The following BMPR2 variants were observed in gnomAD, a reference collection of about 807,000 sequenced individuals.
BMPR2 encodes the protein bone morphogenetic protein receptor type 2.
Under a neutral mutation model 100.8 loss-of-function variants are expected in BMPR2, and 29 were observed. That is an observed-to-expected ratio of 0.29 (90% CI 0.21 to 0.39). The LOEUF (loss-of-function observed/expected upper bound fraction) is 0.39. Among genes scored for constraint, BMPR2 ranks in the 10% least tolerant of loss-of-function variants. The pLI, the probability that BMPR2 is intolerant of heterozygous loss-of-function variation, is 1.00. For synonymous variants in BMPR2, 382 were observed against 442.3 expected (o/e 0.86, Z 1.71); for missense variants, 1,011 against 1,274.5 (o/e 0.79, Z 3.15).
chr2:202,449,086 G>A (rs1231406604), intron 1 of BMPR2, among the ~76,000 whole-genome samples: 1 of 151,832 alleles, frequency 6.6e-6, no homozygotes. Flanking sequence ...GGGAGGCCAA[G>A]GCAGGCGAGG....
chr2:202,530,763 C>A (rs746959510), intron 7 of BMPR2, 31 bp from the exon 8 acceptor site: 1 of 1,558,386 alleles, frequency 6.4e-7, no homozygotes, highest in South Asian at 1.1e-5. Flanking sequence ...CCCTTTTATT[C>A]ATTGATAAAT....
intron 1 of BMPR2, among the ~76,000 whole-genome samples, chr2:202,403,604 AT>A (rs1447710606): frequency 6.6e-6 from 1 of 152,228 alleles, no homozygotes; most frequent in Non-Finnish European, 1.5e-5. Context: ...AAGCAAGATT[AT>A]AATAGGGTCA....
intron 3 of BMPR2, among the ~76,000 whole-genome samples, chr2:202,501,938 C>G (rs1342724668): frequency 6.6e-6 from 1 of 152,188 alleles, no homozygotes; most frequent in Admixed American, 6.5e-5. Context: ...TGACCTTAAC[C>G]TATATAACGA....
chr2:202,456,411 C>T (rs1334128272), intron 1 of BMPR2, among the ~76,000 whole-genome samples: 1 of 151,868 alleles, frequency 6.6e-6, no homozygotes, highest in Non-Finnish European at 1.5e-5. Context: ...AACTCCTGAC[C>T]TCATGATCCG....
rs4338944 is a variant in BMPR2, at chr2:202,503,489, G to T, written c.419-10230G>T. On this transcript the variant is annotated intron_variant, in intron 3 of 12. Transcript: ENST00000374580. This position sits in a 1 kb window ranked among gnomAD's most constrained non-coding sequence, Gnocchi z 4.0. The stretch of plus-strand genomic sequence containing the variant: ...CCCCGCACTCGGAGCAGCCAGCCCC[G>T]GGCAATGAGGGGCTTAGCACCCAGG... 6.6e-6 allele frequency among the ~76,000 whole-genome samples: 1 copy of T among 152,206 alleles called. No homozygotes were observed. Among genetic ancestry groups the T allele is most frequent in the Non-Finnish European group, 1.5e-5 (1 of 68,020 alleles).
At chr2:202,558,269 T>C (rs111625492) in intron 12 of BMPR2, among the ~76,000 whole-genome samples, 26,114 of 152,012 alleles carry the variant, frequency 0.17, 2,573 homozygotes, top group Middle Eastern at 0.23. Flanking sequence ...TGTGCCACCA[T>C]GCCCTGCTAA....
chr2:202,482,023 TTC>T (rs1339779899), intron 3 of BMPR2, among the ~76,000 whole-genome samples: 2 of 152,046 alleles, frequency 1.3e-5, no homozygotes, highest in African/African-American at 4.8e-5. Context: ...ACCCTCTACT[TTC>T]TGTCTCTATG....
intron 9 of BMPR2, among the ~76,000 whole-genome samples, chr2:202,537,513 G>A (rs1688183641): frequency 6.6e-6 from 1 of 152,128 alleles, no homozygotes; most frequent in African/African-American, 2.4e-5. Context: ...GCTTAAAAAG[G>A]AAAAAGAAAT....
chr2:202,536,633 G>C (rs997374442), intron 9 of BMPR2, among the ~76,000 whole-genome samples: 1 of 152,008 alleles, frequency 6.6e-6, no homozygotes, highest in Non-Finnish European at 1.5e-5. Flanking sequence ...AGCACCTTAG[G>C]AGGCCGAGGC....
chr2:202,445,798 G>C (rs1265291021), intron 1 of BMPR2, among the ~76,000 whole-genome samples: 2 of 141,326 alleles, frequency 1.4e-5, no homozygotes, highest in African/African-American at 5.6e-5. Context: ...TTTTGAGACG[G>C]GAGTCTTGCT....
At chr2:202,387,357 T>C (rs1690451900) in intron 1 of BMPR2, among the ~76,000 whole-genome samples, 1 of 152,336 alleles carries the variant, frequency 6.6e-6, no homozygotes, top group Admixed American at 6.5e-5. Context: ...CTCATTATCC[T>C]CTAAACAGAC....
intron 7 of BMPR2, among the ~76,000 whole-genome samples, chr2:202,522,691 G>A (rs1455839707): frequency 2.0e-5 from 3 of 151,800 alleles, no homozygotes; most frequent in South Asian, 4.2e-4. Context: ...ATCAGCTGGA[G>A]GTGGTGGCAC....
At chr2:202,399,082 C>T (rs568331454) in intron 1 of BMPR2, among the ~76,000 whole-genome samples, 1 of 151,952 alleles carries the variant, frequency 6.6e-6, no homozygotes, top group Admixed American at 6.6e-5. Flanking sequence ...GAGCCGAGAT[C>T]GTGCCATTGC....
At chr2:202,484,804 A>AG (rs1371163755) in intron 3 of BMPR2, among the ~76,000 whole-genome samples, 1 of 150,360 alleles carries the variant, frequency 6.7e-6, no homozygotes. Flanking sequence ...GTCTCTACTA[A>AG]AAAAAATGCA....
intron 7 of BMPR2, among the ~76,000 whole-genome samples, chr2:202,525,796 C>T (rs932074490): frequency 1.3e-5 from 2 of 150,756 alleles, no homozygotes; most frequent in African/African-American, 4.9e-5. Flanking sequence ...AGTTATATTC[C>T]CTGTTGTAAC....
At chr2:202,515,003 A>G (rs1420815119) in intron 5 of BMPR2, 24 bp downstream of exon 5, 4 of 1,594,438 alleles carry the variant, frequency 2.5e-6, no homozygotes, top group African/African-American at 1.3e-5. Flanking sequence ...TAGATTATGG[A>G]CTGTTGTTTC....
At chr2:202,393,932 A>AGAGAGAGAGAGAGATT (rs1553494924) in intron 1 of BMPR2, among the ~76,000 whole-genome samples, 3 of 122,912 alleles carry the variant, frequency 2.4e-5, no homozygotes, top group African/African-American at 9.7e-5. Flanking sequence ...AGAGAGAGAG[A>AGAGAGAGAGAGAGATT]GATTCCTGTG....
In BMPR2 at chr2:202,520,114, C is replaced by T; in HGVS notation, c.880C>T (p.His294Tyr). 10 of 1,612,680 alleles carry T rather than the reference C, an allele frequency of 6.2e-6. No individual in the cohort carries two copies. Among genetic ancestry groups the T allele is most frequent in the Non-Finnish European group, 8.5e-6 (10 of 1,179,742 alleles). The change falls in exon 7 of 13, where the codon CAC becomes TAC. Residue 294 changes from histidine (H) to tyrosine (Y), a missense_variant. Coordinates refer to ENST00000374580, the MANE Select transcript of BMPR2 (RefSeq NM_001204.7). The stretch of plus-strand genomic sequence containing the variant: ...ATCTTTATGCAAGTATTTAAGTCTC[C>T]ACACAAGTGACTGGGTAAGCTCTTG... ...NGSLCKYLSLHTSDWVSSCRL... is the reference protein window; with the variant it reads ...NGSLCKYLSLYTSDWVSSCRL...
intron 1 of BMPR2, among the ~76,000 whole-genome samples, chr2:202,456,288 C>T (rs1307809632): frequency 6.6e-6 from 1 of 150,796 alleles, no homozygotes; most frequent in Non-Finnish European, 1.5e-5. Flanking sequence ...TCGCCTGCCT[C>T]AGCCTCCCAA....
Sources: allele counts gnomAD v4.1 joint callset (sites outside exome capture counted in the v4.1 genomes callset), GRCh38; gene constraint gnomAD v4.1.1; non-coding constraint Gnocchi (gnomAD v3.1); transcripts MANE v1.5; gene names NCBI Gene and HGNC (gene_info 2026-07-23, HGNC 2026-07-21).